FBXO4: variants seen among roughly 807,000 people sequenced by gnomAD.
The protein encoded by FBXO4 is F-box protein 4.
A neutral mutation model predicts 43.7 loss-of-function variants in FBXO4; 36 were observed. The observed-to-expected ratio is 0.82, with a 90% confidence interval of 0.63 to 1.09. The LOEUF is 1.09. FBXO4 is among the 50% of genes least tolerant of loss of function. The probability of loss-of-function intolerance (pLI) is 0.00; values close to 1 mark genes in which losing one functional copy is unlikely to be tolerated. For missense variants in FBXO4, 435 were observed against 474.1 expected (o/e 0.92, Z 0.77); for synonymous variants, 180 against 165.6 (o/e 1.09, Z -0.67).
At chr5:42,032,205 C>T in the FBXO4 span, among the ~76,000 whole-genome samples, 8 of 152,008 alleles carry the variant, frequency 5.3e-5, no homozygotes, top group African/African-American at 1.7e-4. Flanking sequence ...CACTATTTCT[C>T]ACCCAAGGCC....
At chr5:42,035,448 C>CTT in the FBXO4 span, among the ~76,000 whole-genome samples, 1 of 152,006 alleles carries the variant, frequency 6.6e-6, no homozygotes, top group East Asian at 1.9e-4. Context: ...TATGACCAAT[C>CTT]TTATCAGAAG....
the FBXO4 span, among the ~76,000 whole-genome samples, chr5:41,970,583 A>T: frequency 6.6e-6 from 1 of 151,958 alleles, no homozygotes; most frequent in Admixed American, 6.6e-5. Flanking sequence ...TTAAAAAAAA[A>T]AACCCTAATA....
the FBXO4 span, among the ~76,000 whole-genome samples, chr5:41,956,952 T>C: frequency 2.0e-5 from 3 of 152,246 alleles, no homozygotes; most frequent in East Asian, 5.8e-4. Context: ...CCTTAGGTGA[T>C]CCACCTGCCT....
At chr5:42,019,526 T>C in the FBXO4 span, among the ~76,000 whole-genome samples, 1 of 151,908 alleles carries the variant, frequency 6.6e-6, no homozygotes, top group African/African-American at 2.4e-5. Context: ...CCATCTCTAC[T>C]AAAAATACAA....
chr5:42,027,833 A>G, the FBXO4 span, among the ~76,000 whole-genome samples: 149 of 151,936 alleles, frequency 9.8e-4, no homozygotes, highest in African/African-American at 3.5e-3. Flanking sequence ...ATGTGTTTGT[A>G]TAGTTTCCAA....
At chr5:41,978,295 A>G in the FBXO4 span, among the ~76,000 whole-genome samples, 2 of 152,224 alleles carry the variant, frequency 1.3e-5, no homozygotes, top group Admixed American at 6.5e-5. Flanking sequence ...ATCTTGCACC[A>G]GGTCACACCT....
intron 5 of FBXO4, among the ~76,000 whole-genome samples, chr5:41,938,286 A>C (rs1171698591): frequency 1.3e-5 from 2 of 152,216 alleles, no homozygotes; most frequent in African/African-American, 4.8e-5. Context: ...ATGGCATAAT[A>C]TTTAAAGGTA....
chr5:41,969,859 G>T, the FBXO4 span, among the ~76,000 whole-genome samples: 1 of 151,970 alleles, frequency 6.6e-6, no homozygotes, highest in African/African-American at 2.4e-5. Flanking sequence ...ACAAAACAAT[G>T]TGTGTGTGTT....
At chr5:41,967,405 T>A in the FBXO4 span, 1 of 535,794 alleles carries the variant, frequency 1.9e-6, no homozygotes, top group South Asian at 1.6e-5. Flanking sequence ...TGGTCATATT[T>A]GCTGTGATCA....
At chr5:42,000,473 T>C in the FBXO4 span, among the ~76,000 whole-genome samples, 1 of 152,252 alleles carries the variant, frequency 6.6e-6, no homozygotes, top group Non-Finnish European at 1.5e-5. Context: ...ATTTGTTTTA[T>C]ATATTTTGAA....
chr5:42,002,177 G>A, the FBXO4 span, among the ~76,000 whole-genome samples: 1 of 152,078 alleles, frequency 6.6e-6, no homozygotes, highest in East Asian at 1.9e-4. Context: ...GCCACCCAAA[G>A]TACTGGTTAA....
the FBXO4 span, chr5:41,967,107 G>A: frequency 3.6e-6 from 1 of 281,134 alleles, no homozygotes; most frequent in Non-Finnish European, 7.2e-6. Flanking sequence ...CTGGCTTGAA[G>A]TGCTTTTGGT....
rs1485387083 is a variant in FBXO4 at position 41,941,148 on chromosome 5, GACTTAGTTTCTT to G, written c.1075-40_1075-29del. On this transcript the variant is annotated intron_variant, in intron 6 of 6. Coordinates refer to ENST00000281623, the MANE Select transcript of FBXO4 (RefSeq NM_012176.3). ...TGTCCCTCCTACTCATAAGATTTTG[GACTTAGTTTCTT>G]ACTAACAACATTCTCTCTTATGTAT... The G allele has an allele frequency of 2.7e-6, 4 of 1,502,110 alleles. No individual in the cohort carries two copies. The East Asian group carries it at 9.0e-5, about 34-fold the overall frequency. The allele number at this position is 1,502,110 out of a possible 1,614,324, so 93.0% of individuals were successfully genotyped here.
chr5:41,925,330 C>T lies in FBXO4; in HGVS notation c.21C>T (p.Arg7=). Residue 7 remains arginine (R), a synonymous_variant, in exon 1 of 7, where the codon CGC becomes CGT. Transcript: ENST00000281623. The stretch of plus-strand genomic sequence containing the variant: ...AAGCCATGGCGGGAAGCGAGCCGCG[C>T]AGCGGAACAAACTCGCCGCCGCCGC... MAGSEP[R]SGTNSPPPPF... is the part of the protein sequence containing the mutation. 7.4e-7 allele frequency: 1 copy of T among 1,350,034 alleles called. No homozygotes were observed. 83.6% of individuals were successfully genotyped at this position (1,350,034 alleles called of 1,614,324 possible). A position where few individuals can be genotyped will look rare whatever the true frequency, so the allele number is the denominator to read the frequency against.
chr5:42,027,912 A>G, the FBXO4 span, among the ~76,000 whole-genome samples: 1 of 151,886 alleles, frequency 6.6e-6, no homozygotes, highest in Non-Finnish European at 1.5e-5. Flanking sequence ...CATTATTTCA[A>G]TATGTTCAGT....
the FBXO4 span, among the ~76,000 whole-genome samples, chr5:41,970,447 A>AT: frequency 6.6e-6 from 1 of 152,042 alleles, no homozygotes; most frequent in African/African-American, 2.4e-5. Context: ...GTTATAAAAT[A>AT]TGCAAGAAAT....
chr5:41,968,988 GT>G, the FBXO4 span, among the ~76,000 whole-genome samples: 1 of 151,960 alleles, frequency 6.6e-6, no homozygotes, highest in Non-Finnish European at 1.5e-5. Flanking sequence ...TATATTGAAG[GT>G]TTTCTTATCT....
At chr5:42,039,287 T>C in the FBXO4 span, among the ~76,000 whole-genome samples, 1 of 152,068 alleles carries the variant, frequency 6.6e-6, no homozygotes, top group African/African-American at 2.4e-5. Context: ...CTAGATTTGC[T>C]GAAAGAGTGA....
At chr5:41,960,923 T>C in the FBXO4 span, among the ~76,000 whole-genome samples, 1 of 152,196 alleles carries the variant, frequency 6.6e-6, no homozygotes, top group Non-Finnish European at 1.5e-5. Flanking sequence ...TATATCTTCA[T>C]TGGGGTAGTT....
Sources: allele counts gnomAD v4.1 joint callset (sites outside exome capture counted in the v4.1 genomes callset), GRCh38; gene constraint gnomAD v4.1.1; transcripts MANE v1.5; gene names NCBI Gene and HGNC (gene_info 2026-07-23, HGNC 2026-07-21).